Variants in RNF111 observed in about 807,000 individuals in gnomAD.
RNF111 encodes the protein ring finger protein 111, also known as E3 ubiquitin-protein ligase Arkadia.
Under a neutral mutation model 95.1 loss-of-function variants are expected in RNF111, and 17 were observed. That is an observed-to-expected ratio of 0.18 (90% CI 0.12 to 0.27). RNF111 has a LOEUF of 0.27. Among genes scored for constraint, RNF111 ranks in the 10% least tolerant of loss-of-function variants. The pLI is 1.00. For missense variants in RNF111, 1,189 were observed against 1,210.4 expected, an observed-to-expected ratio of 0.98 and a Z score of 0.26; for synonymous variants, 440 against 414.8, an observed-to-expected ratio of 1.06 and a Z score of -0.74.
chr15:59,009,275 C>T (rs986132709), intron 1 of RNF111, among the ~76,000 whole-genome samples: 3 of 151,938 alleles, frequency 2.0e-5, no homozygotes, highest in African/African-American at 7.2e-5. Context: ...TTTACTTTTA[C>T]ATGTTATCAG....
chr15:59,005,748 C>T (rs1459686564), intron 1 of RNF111, among the ~76,000 whole-genome samples: 1 of 152,120 alleles, frequency 6.6e-6, no homozygotes. Context: ...AGCTTGTGGA[C>T]GTCTTTGCCT....
intron 1 of RNF111, among the ~76,000 whole-genome samples, chr15:59,009,320 T>G (rs1471494175): frequency 6.6e-6 from 1 of 152,064 alleles, no homozygotes; most frequent in African/African-American, 2.4e-5. Context: ...TCTTGGGATA[T>G]TTCATCTTAG....
At chr15:58,991,067 G>T (rs1205960918) in intron 1 of RNF111, among the ~76,000 whole-genome samples, 3 of 152,006 alleles carry the variant, frequency 2.0e-5, no homozygotes, top group African/African-American at 7.3e-5. Flanking sequence ...AAGCCGAGGC[G>T]GGTAGATCAT....
chr15:59,039,503 A>G (rs1386837657), intron 2 of RNF111, among the ~76,000 whole-genome samples: 12 of 152,088 alleles, frequency 7.9e-5, no homozygotes, highest in Admixed American at 3.9e-4. Context: ...GAATTTTAGT[A>G]TATTTGATGG....
At chr15:59,040,784 C>G (rs964504219) in intron 2 of RNF111, among the ~76,000 whole-genome samples, 1 of 152,116 alleles carries the variant, frequency 6.6e-6, no homozygotes, top group Non-Finnish European at 1.5e-5. Flanking sequence ...TCTTTTTGCC[C>G]TTGGCCAGTT....
chr15:59,040,016 G>A (rs538507059), intron 2 of RNF111, among the ~76,000 whole-genome samples: 11 of 152,054 alleles, frequency 7.2e-5, no homozygotes, highest in African/African-American at 1.7e-4. Flanking sequence ...CGCCCTGCCC[G>A]ATTTTCTTTT....
intron 5 of RNF111, among the ~76,000 whole-genome samples, chr15:59,064,515 G>A (rs530401084): frequency 8.6e-5 from 11 of 127,484 alleles, no homozygotes; most frequent in Admixed American, 2.7e-4. Flanking sequence ...TAGCCTGGGC[G>A]ACAGAGCAAG....
chr15:59,085,839 G>C (rs1291943031), intron 10 of RNF111, 54 bp downstream of exon 10: 3 of 1,469,372 alleles, frequency 2.0e-6, no homozygotes, highest in East Asian at 2.3e-5. Context: ...CCTTTTCTAA[G>C]TATTTTATTG....
chr15:59,069,161 T>A (rs550451711), intron 6 of RNF111, among the ~76,000 whole-genome samples: 1 of 151,404 alleles, frequency 6.6e-6, no homozygotes, highest in African/African-American at 2.4e-5. Context: ...GTAGAAAATA[T>A]AATTAAAGAG....
chr15:59,090,888 A>T (rs1253001469), intron 11 of RNF111, among the ~76,000 whole-genome samples, 171 bp from the exon 12 acceptor site: 1 of 152,132 alleles, frequency 6.6e-6, no homozygotes, highest in African/African-American at 2.4e-5. Flanking sequence ...AAACTGTTTT[A>T]TATATATACT....
At chr15:59,004,118 A>G in intron 1 of RNF111, 3 of 1,186,628 alleles carry the variant, frequency 2.5e-6, no homozygotes, top group Non-Finnish European at 3.2e-6. Flanking sequence ...ATTTTATTCC[A>G]GTGTGAATGC....
chr15:59,008,623 G>C (rs2039649910), intron 1 of RNF111, among the ~76,000 whole-genome samples: 1 of 152,138 alleles, frequency 6.6e-6, no homozygotes, highest in African/African-American at 2.4e-5. Context: ...TCTCTAGTCT[G>C]TCCTTACACC....
At chr15:59,002,617 G>T (rs573479348) in intron 1 of RNF111, among the ~76,000 whole-genome samples, 1 of 151,678 alleles carries the variant, frequency 6.6e-6, no homozygotes, top group South Asian at 2.1e-4. Flanking sequence ...TTAGATCCAG[G>T]CTTTGCTATC....
At chr15:58,990,502 T>C (rs540609067) in intron 1 of RNF111, among the ~76,000 whole-genome samples, 39 of 152,092 alleles carry the variant, frequency 2.6e-4, no homozygotes, top group Non-Finnish European at 4.9e-4. Context: ...TACAAAAAAT[T>C]AGCCGAGCTT....
intron 1 of RNF111, among the ~76,000 whole-genome samples, chr15:59,015,964 C>T (rs2040045427): frequency 6.6e-6 from 1 of 151,060 alleles, no homozygotes; most frequent in Admixed American, 6.6e-5. Context: ...GATCCTCCCA[C>T]CTCAGCCTCC....
chr15:58,995,764 CTTTTTTTTT>C (rs34209382), intron 1 of RNF111, among the ~76,000 whole-genome samples: 2 of 99,528 alleles, frequency 2.0e-5, no homozygotes, highest in Non-Finnish European at 3.9e-5. Context: ...GTGCCCCGGC[CTTTTTTTTT>C]TTTTTTTTTT....
At chr15:59,024,462 C>CAGTTAGT (rs11281531) in intron 1 of RNF111, among the ~76,000 whole-genome samples, 123,602 of 151,532 alleles carry the variant, frequency 0.82, 50,682 homozygotes, top group Middle Eastern at 0.88. Context: ...AAGATCTTTT[C>CAGTTAGT]AGCAAGTACT....
intron 12 of RNF111, among the ~76,000 whole-genome samples, chr15:59,091,663 A>G (rs1211438436): frequency 6.6e-6 from 1 of 152,214 alleles, no homozygotes. Context: ...AGCATTATAC[A>G]GTTATGGGGT....
chr15:59,090,859 AC>A (rs1439095691), intron 11 of RNF111, among the ~76,000 whole-genome samples, 199 bp from the exon 12 acceptor site: 4 of 152,086 alleles, frequency 2.6e-5, no homozygotes, highest in Admixed American at 2.0e-4. Context: ...GGAGTTTGAG[AC>A]CAGCCTGGGC....
Sources: gnomAD v4.1 joint callset for allele counts (sites outside exome capture counted in the v4.1 genomes callset) on GRCh38, gnomAD v4.1.1 for gene constraint, MANE v1.5 for transcripts, NCBI Gene and HGNC (gene_info 2026-07-23, HGNC 2026-07-21) for gene names.